Variants in BNC2 observed in about 807,000 individuals in gnomAD.
BNC2 encodes zinc finger protein basonuclin-2.
A neutral mutation model predicts 76.3 loss-of-function variants in BNC2; 20 were observed. The ratio of observed to expected loss-of-function variants is 0.26; its 90% CI spans 0.18 to 0.38. The LOEUF is 0.38. Among genes scored for constraint, BNC2 ranks in the 10% least tolerant of loss-of-function variants. The pLI, the probability that BNC2 is intolerant of heterozygous loss-of-function variation, is 1.00. For missense variants in BNC2, 1,382 were observed against 1,399.8 expected (o/e 0.99, Z 0.20); for synonymous variants, 582 against 514.8 (o/e 1.13, Z -1.77).
chr9:16,749,362 T>C (rs913163296), intron 1 of BNC2, among the ~76,000 whole-genome samples: 8 of 152,128 alleles, frequency 5.3e-5, no homozygotes, highest in African/African-American at 1.9e-4. Flanking sequence ...CCAAGATTCT[T>C]AGACTAAGGA....
In BNC2 at chr9:16,511,362, C is replaced by G. The variant is rs1032962716; in HGVS notation, c.669+41168G>C. Among the ~76,000 whole-genome samples, 6 of 149,602 alleles carry G rather than the reference C, an allele frequency of 4.0e-5. No individual in the cohort carries two copies. In the Admixed American group the frequency reaches 4.0e-4, roughly 10 times the overall value. On this transcript the variant is annotated intron_variant, in intron 5 of 6. Coordinates refer to ENST00000380672, the MANE Select transcript of BNC2 (RefSeq NM_017637.6). ...CTGGACTCAAGGGATTGTCCCACCT[C>G]GTTTTCCCAAAGCACTGGGATCACA...
At chr9:16,620,604 G>C (rs1188010233) in intron 3 of BNC2, among the ~76,000 whole-genome samples, 1 of 152,100 alleles carries the variant, frequency 6.6e-6, no homozygotes, top group African/African-American at 2.4e-5. Context: ...CACAAAATGA[G>C]TATGTAGCAA....
chr9:16,729,052 G>C (rs537838189), intron 2 of BNC2, among the ~76,000 whole-genome samples: 1 of 152,084 alleles, frequency 6.6e-6, no homozygotes, highest in African/African-American at 2.4e-5. Context: ...AGATCTCTGT[G>C]GAAAATTCTA....
At chr9:16,431,402 C>T (rs1456229392) in intron 6 of BNC2, 1 of 453,062 alleles carries the variant, frequency 2.2e-6, no homozygotes, top group Admixed American at 2.4e-5. Flanking sequence ...ATTACACCCA[C>T]CAGCTAATTC....
chr9:16,857,721 G>A (rs1819299644), intron 1 of BNC2, among the ~76,000 whole-genome samples: 1 of 152,064 alleles, frequency 6.6e-6, no homozygotes, highest in Non-Finnish European at 1.5e-5. Flanking sequence ...TGAAACTTTT[G>A]TCTAAAATAA....
chr9:16,464,204 T>C (rs1821655442), intron 5 of BNC2, among the ~76,000 whole-genome samples: 1 of 151,684 alleles, frequency 6.6e-6, no homozygotes, highest in Non-Finnish European at 1.5e-5. Context: ...CTCAAATAAA[T>C]AAATAATTGT....
chr9:16,566,506 A>G (rs1406767949), intron 4 of BNC2, among the ~76,000 whole-genome samples: 1 of 152,126 alleles, frequency 6.6e-6, no homozygotes, highest in East Asian at 1.9e-4. Flanking sequence ...TCCTGAGTAA[A>G]CTTGGCATAT....
rs573007471 is a variant in BNC2, at chr9:16,656,365, G to A, written c.330+71432C>T. Among the ~76,000 whole-genome samples, 14 of 152,270 alleles carry A rather than the reference G, an allele frequency of 9.2e-5. No homozygotes were observed. In the South Asian group the frequency reaches 2.5e-3, roughly 27 times the overall value. On this transcript the variant is annotated intron_variant, in intron 3 of 6. Coordinates refer to ENST00000380672, the MANE Select transcript of BNC2 (RefSeq NM_017637.6). ...ATGCTGAGGAGTTTCTGTCTCATTC[G>A]ATGCACCAGGAGAACTGATGGTAGG...
In BNC2 at chr9:16,731,505, T is replaced by C. The variant is rs79582145; in HGVS notation, c.130-3508A>G. On this transcript the variant is annotated intron_variant, in intron 2 of 6. Transcript: ENST00000380672. ...CAAAGTAAGAAACTCAAAAGCATTTTACAATGGTAAAATAGATTGGAGAAC... is the reference window on the plus strand; with the variant it reads ...CAAAGTAAGAAACTCAAAAGCATTTCACAATGGTAAAATAGATTGGAGAAC... 1.6e-3 allele frequency among the ~76,000 whole-genome samples: 243 copies of C among 152,296 alleles called. 2 individuals carry two copies. Among genetic ancestry groups the C allele is most frequent in the African/African-American group, 5.5e-3 (229 of 41,576 alleles).
At chr9:16,608,871 TA>T (rs1244807566) in intron 3 of BNC2, among the ~76,000 whole-genome samples, 2 of 152,194 alleles carry the variant, frequency 1.3e-5, no homozygotes, top group Admixed American at 1.3e-4. Flanking sequence ...ATTACATGCA[TA>T]AGTTTCAATA....
chr9:16,612,246 A>C (rs932868878), intron 3 of BNC2, among the ~76,000 whole-genome samples: 1 of 152,148 alleles, frequency 6.6e-6, no homozygotes, highest in Non-Finnish European at 1.5e-5. Context: ...TCATTCACAA[A>C]TAAACAATTA....
At position 16,790,250 on chromosome 9, in the gene BNC2, G is replaced by A. The variant is rs535981435; in HGVS notation, c.4-51765C>T. Among the ~76,000 whole-genome samples the A allele has an allele frequency of 9.9e-4, 150 of 152,276 alleles. No homozygotes were observed. In the Middle Eastern group the frequency reaches 0.01, roughly 10 times the overall value. Reference sequence around the variant, plus strand: ...CTGACCTCGTGATCCGCCCGCCTCGGCCTCCCAAAGTGCTGGGATTATAGG... The same window carrying A: ...CTGACCTCGTGATCCGCCCGCCTCGACCTCCCAAAGTGCTGGGATTATAGG... On this transcript the variant is annotated intron_variant, in intron 1 of 6. Coordinates refer to ENST00000380672, the MANE Select transcript of BNC2 (RefSeq NM_017637.6).
At chr9:16,768,932 G>A (rs566292591) in intron 1 of BNC2, among the ~76,000 whole-genome samples, 62 of 152,286 alleles carry the variant, frequency 4.1e-4, no homozygotes, top group African/African-American at 1.4e-3. Flanking sequence ...GACAAATGGC[G>A]CAGACAGTGG....
chr9:16,751,910 TC>T (rs1311046120), intron 1 of BNC2, among the ~76,000 whole-genome samples: 41 of 151,722 alleles, frequency 2.7e-4, no homozygotes, highest in African/African-American at 8.7e-4. Flanking sequence ...GCGCCTGTAA[TC>T]TCAGCTACTC....
At position 16,686,648 on chromosome 9, in the gene BNC2, T is replaced by G. The variant is rs143979574; in HGVS notation, c.330+41149A>C. ...AATTAAGATCATCTGTGCTAATCAA[T>G]TTGCTTTGTTCAGACATCAGTTTTC... On this transcript the variant is annotated intron_variant, in intron 3 of 6. Transcript: ENST00000380672. Among the ~76,000 whole-genome samples the G allele has an allele frequency of 1.2e-3, 176 of 152,290 alleles. 6 individuals carry two copies. The East Asian group carries it at 0.031, about 26-fold the overall frequency.
intron 1 of BNC2, among the ~76,000 whole-genome samples, chr9:16,855,926 A>T (rs1819244106): frequency 6.6e-6 from 1 of 152,106 alleles, no homozygotes; most frequent in South Asian, 2.1e-4. Flanking sequence ...GTTATTCCAT[A>T]TATAGTAAGT....
At chr9:16,539,096 T>G (rs1460951040) in intron 5 of BNC2, among the ~76,000 whole-genome samples, 1 of 152,208 alleles carries the variant, frequency 6.6e-6, no homozygotes, top group African/African-American at 2.4e-5. Context: ...AATTGAAAGC[T>G]GTAACAGAGG....
intron 6 of BNC2, chr9:16,430,125 A>G (rs79788726): frequency 1.4e-4 from 60 of 430,928 alleles, no homozygotes; most frequent in African/African-American, 1.2e-3. Flanking sequence ...CTTCTGATGG[A>G]AAGTAATGGA....
At chr9:16,499,267 G>C (rs1463250494) in intron 5 of BNC2, among the ~76,000 whole-genome samples, 1 of 152,028 alleles carries the variant, frequency 6.6e-6, no homozygotes, top group East Asian at 1.9e-4. Flanking sequence ...GGCTCAGTCA[G>C]TTAAGTTACT....
Sources: allele counts gnomAD v4.1 joint callset (sites outside exome capture counted in the v4.1 genomes callset), GRCh38; gene constraint gnomAD v4.1.1; transcripts MANE v1.5; gene names NCBI Gene and HGNC (gene_info 2026-07-23, HGNC 2026-07-21).